KIRREL3: variants seen among roughly 807,000 people sequenced by gnomAD.
The protein encoded by KIRREL3 is kin of IRRE-like protein 3.
A neutral mutation model predicts 89.7 loss-of-function variants in KIRREL3; 36 were observed. That is an observed-to-expected ratio of 0.40 (90% CI 0.31 to 0.53). KIRREL3 has a LOEUF of 0.53. KIRREL3 is among the 20% of genes least tolerant of loss of function. KIRREL3 has a pLI of 0.49. For synonymous variants in KIRREL3, 445 were observed against 441.4 expected (o/e 1.01, Z -0.10); for missense variants, 864 against 1,056.6 (o/e 0.82, Z 2.53).
At chr11:126,512,993 G>A (rs1958274127) in intron 4 of KIRREL3, among the ~76,000 whole-genome samples, 2 of 152,282 alleles carry the variant, frequency 1.3e-5, no homozygotes, top group African/African-American at 2.4e-5. Context: ...TGGGGCAGGA[G>A]TGAATGCGTC....
chr11:126,975,897 T>TCCCTCCCTCCCC (rs1949553663), intron 1 of KIRREL3, among the ~76,000 whole-genome samples: 1 of 39,090 alleles, frequency 2.6e-5, no homozygotes, highest in African/African-American at 8.6e-5. Flanking sequence ...CCTCCCTCCC[T>TCCCTCCCTCCCC]CCCTCCCTTC....
chr11:126,810,562 A>G (rs1237684511), intron 1 of KIRREL3, among the ~76,000 whole-genome samples: 2 of 151,790 alleles, frequency 1.3e-5, no homozygotes, highest in Non-Finnish European at 2.9e-5. Flanking sequence ...CACCCCGTAA[A>G]TGGGAGTATG....
chr11:126,803,532 AAAT>A (rs1312135061), intron 1 of KIRREL3, among the ~76,000 whole-genome samples: 2 of 152,204 alleles, frequency 1.3e-5, no homozygotes, highest in African/African-American at 4.8e-5. Context: ...GTACATGTAT[AAAT>A]AAATCCCACT....
Position 126,501,728 on chromosome 11 carries a change from C to T in KIRREL3, c.433+19587G>A, listed in dbSNP as rs1017412327. Among the ~76,000 whole-genome samples the T allele has an allele frequency of 7.2e-5, 11 of 152,188 alleles. No homozygotes were observed. Among genetic ancestry groups the T allele is most frequent in the South Asian group, 4.1e-4 (2 of 4,826 alleles). ...TCCTTAAAGCCTACACTTGCCAACT[C>T]GCCTGGCCCTGGGCACTGCTTGCCT... is the stretch of plus-strand genomic sequence containing the variant. On this transcript the variant is annotated intron_variant, in intron 4 of 16. Transcript: ENST00000525144. The surrounding 1 kb of genome is among the most constrained non-coding windows in gnomAD (Gnocchi z 5.8).
rs767628688 is a variant in KIRREL3, at chr11:126,978,270, A to C, written c.55+22185T>G. The stretch of plus-strand genomic sequence containing the variant: ...TGACCCTGCTCCACTTCCTCTACCA[A>C]CATTCTTCCTGTGTCAGATCTGTCC... On this transcript the variant is annotated intron_variant, in intron 1 of 16. Coordinates refer to ENST00000525144, the MANE Select transcript of KIRREL3 (RefSeq NM_032531.4). The surrounding 1 kb of genome is among the most constrained non-coding windows in gnomAD (Gnocchi z 4.2). 2.0e-5 allele frequency among the ~76,000 whole-genome samples: 3 copies of C among 152,018 alleles called. No homozygotes were observed. Among genetic ancestry groups the C allele is most frequent in the Non-Finnish European group, 4.4e-5 (3 of 67,982 alleles).
intron 1 of KIRREL3, among the ~76,000 whole-genome samples, chr11:126,853,653 T>G (rs7113957): frequency 0.85 from 128,569 of 152,044 alleles, 54,549 homozygotes; most frequent in East Asian, 1. Context: ...CCATGCTCTC[T>G]CCAAGTTTTT....
Position 126,451,143 on chromosome 11 carries a change from A to G in KIRREL3, c.849-1986T>C, listed in dbSNP as rs559227615. Among the ~76,000 whole-genome samples the G allele has an allele frequency of 2.3e-3, 266 of 116,500 alleles. 2 individuals are homozygous for G. Among genetic ancestry groups the G allele is most frequent in the African/African-American group, 8.4e-3 (251 of 29,942 alleles). 76.4% of individuals were successfully genotyped at this position (116,500 alleles called of 152,430 possible). On this transcript the variant is annotated intron_variant, in intron 7 of 16. Coordinates refer to ENST00000525144, the MANE Select transcript of KIRREL3 (RefSeq NM_032531.4). ...TGTGTGTGCATGTGCATGTGTGTGC[A>G]TGTGTAAATGTGGGCACGTGTGAAT...
intron 1 of KIRREL3, among the ~76,000 whole-genome samples, chr11:126,714,482 G>GAT (rs1463472796): frequency 3.3e-5 from 5 of 152,244 alleles, no homozygotes; most frequent in Non-Finnish European, 4.4e-5. Flanking sequence ...TCACGGAGAT[G>GAT]TGATGGGGGG....
intron 1 of KIRREL3, among the ~76,000 whole-genome samples, chr11:126,847,413 C>G (rs1944185096): frequency 3.3e-5 from 5 of 152,098 alleles, no homozygotes. Context: ...TTGTCATCCA[C>G]AGACAATTGT....
chr11:126,982,474 A>G (rs1045815349), intron 1 of KIRREL3, among the ~76,000 whole-genome samples: 3 of 152,230 alleles, frequency 2.0e-5, no homozygotes, highest in African/African-American at 7.2e-5. Flanking sequence ...GGGAGACTTC[A>G]TAAAGCCTTT....
At chr11:126,456,535 A>G (rs1232280352) in intron 6 of KIRREL3, 81 bp from the exon 7 acceptor site, 1 of 931,986 alleles carries the variant, frequency 1.1e-6, no homozygotes, top group East Asian at 2.6e-5. Context: ...GGATACAGCC[A>G]GAGACTCCAC....
At chr11:126,440,745 AT>A (rs1955532118) in intron 10 of KIRREL3, 196 bp from the exon 11 acceptor site, 6 of 619,500 alleles carry the variant, frequency 9.7e-6, no homozygotes, top group Non-Finnish European at 1.7e-5. Flanking sequence ...CTCTCAAGGG[AT>A]CATGAGCGAA....
chr11:126,972,963 C>T (rs1264592967), intron 1 of KIRREL3, among the ~76,000 whole-genome samples: 1 of 152,094 alleles, frequency 6.6e-6, no homozygotes, highest in Admixed American at 6.6e-5. Context: ...AAATTCTACT[C>T]ACCCTTTCAC....
rs1186797723 is a variant in KIRREL3 at position 126,653,328 on chromosome 11, G to A, written c.56-90416C>T. On this transcript the variant is annotated intron_variant, in intron 1 of 16. Coordinates refer to ENST00000525144, the MANE Select transcript of KIRREL3 (RefSeq NM_032531.4). This position sits in a 1 kb window ranked among gnomAD's most constrained non-coding sequence, Gnocchi z 5.4. ...GGGCAGACTTGGGGTGGCAGAAGAGGCACCAGCTGGACCCGCCCAGGAAGC... is the reference window on the plus strand; with the variant it reads ...GGGCAGACTTGGGGTGGCAGAAGAGACACCAGCTGGACCCGCCCAGGAAGC... Among the ~76,000 whole-genome samples the A allele has an allele frequency of 1.3e-5, 2 of 152,170 alleles. No individual in the cohort carries two copies. The highest frequency in any genetic ancestry group is 6.5e-5 in the Admixed American group (1 of 15,282).
rs571389765 is a variant in KIRREL3 at position 126,491,290 on chromosome 11, C to T, written c.434-17824G>A. On this transcript the variant is annotated intron_variant, in intron 4 of 16. Coordinates refer to ENST00000525144, the MANE Select transcript of KIRREL3 (RefSeq NM_032531.4). This position sits in a 1 kb window ranked among gnomAD's most constrained non-coding sequence, Gnocchi z 5.5. ...GAGCCTGAAACTCTGCTCAGGTGTC[C>T]GAATGTAATGTGAGCCCAAGGAGGG... Among the ~76,000 whole-genome samples, 2 of 152,268 alleles carry T rather than the reference C, an allele frequency of 1.3e-5. No individual in the cohort carries two copies. The highest frequency in any genetic ancestry group is 1.9e-4 in the East Asian group (1 of 5,174).
intron 1 of KIRREL3, among the ~76,000 whole-genome samples, chr11:126,809,893 C>T (rs1022229562): frequency 1.3e-5 from 2 of 152,214 alleles, no homozygotes; most frequent in African/African-American, 4.8e-5. Flanking sequence ...ATCCAGTTAA[C>T]TTGAGATGGT....
chr11:126,773,768 C>A lies in KIRREL3; in HGVS notation c.56-210856G>T, dbSNP rs989871665. Among the ~76,000 whole-genome samples the A allele has an allele frequency of 6.6e-6, 1 of 152,158 alleles. No individual in the cohort carries two copies. The highest frequency in any genetic ancestry group is 1.5e-5 in the Non-Finnish European group (1 of 68,026). On this transcript the variant is annotated intron_variant, in intron 1 of 16. Coordinates refer to ENST00000525144, the MANE Select transcript of KIRREL3 (RefSeq NM_032531.4). The surrounding 1 kb of genome is among the most constrained non-coding windows in gnomAD (Gnocchi z 4.2). ...TTATTTATCTCTATTATTGCAGCCC[C>A]AAATACTGAATCTGGCAGATAGTGT...
At chr11:126,857,039 C>T (rs184646401) in intron 1 of KIRREL3, among the ~76,000 whole-genome samples, 1 of 152,354 alleles carries the variant, frequency 6.6e-6, no homozygotes, top group African/African-American at 2.4e-5. Context: ...AAGGCACTCA[C>T]ATTTACGTGC....
At chr11:126,631,582 G>T (rs780608335) in intron 1 of KIRREL3, among the ~76,000 whole-genome samples, 8 of 152,212 alleles carry the variant, frequency 5.3e-5, no homozygotes, top group Non-Finnish European at 7.3e-5. Flanking sequence ...GGAGAAGTGT[G>T]TGGGGGTGGT....
Sources: allele counts gnomAD v4.1 joint callset (sites outside exome capture counted in the v4.1 genomes callset), GRCh38; gene constraint gnomAD v4.1.1; non-coding constraint Gnocchi (gnomAD v3.1); transcripts MANE v1.5; gene names NCBI Gene and HGNC (gene_info 2026-07-23, HGNC 2026-07-21).